Variants in XYLT1 observed in about 807,000 individuals in gnomAD.
XYLT1 encodes xylosyltransferase 1, also known as beta-D-xylosyltransferase 1.
A neutral mutation model predicts 91.3 loss-of-function variants in XYLT1; 36 were observed. The observed-to-expected ratio is 0.39, with a 90% CI of 0.30 to 0.52. XYLT1 has a LOEUF of 0.52. Ranked by LOEUF, XYLT1 falls within the 20% of genes least tolerant of loss-of-function variation. The probability of loss-of-function intolerance (pLI) is 0.68; values close to 1 mark genes in which losing one functional copy is unlikely to be tolerated. For synonymous variants in XYLT1, 588 were observed against 532.0 expected (o/e 1.11, Z -1.45); for missense variants, 1,242 against 1,284.5 (o/e 0.97, Z 0.51).
intron 2 of XYLT1, among the ~76,000 whole-genome samples, chr16:17,306,917 C>G (rs1230152584): frequency 2.0e-5 from 3 of 152,138 alleles, no homozygotes; most frequent in Non-Finnish European, 4.4e-5. Flanking sequence ...GTGACTTGCC[C>G]AAGGTCACAC....
intron 10 of XYLT1, among the ~76,000 whole-genome samples, chr16:17,127,379 A>AT (rs1464399868): frequency 6.6e-6 from 1 of 152,176 alleles, no homozygotes; most frequent in African/African-American, 2.4e-5. Context: ...TGGGACTAAT[A>AT]TTACTGACAT....
intron 3 of XYLT1, chr16:17,250,201 T>A (rs1382311312): frequency 6.6e-6 from 1 of 152,208 alleles, no homozygotes; most frequent in Non-Finnish European, 1.5e-5. Flanking sequence ...TGGCACAAGG[T>A]GTTCTCTGCT....
At chr16:17,394,308 G>A (rs2035857563) in intron 1 of XYLT1, among the ~76,000 whole-genome samples, 2 of 152,168 alleles carry the variant, frequency 1.3e-5, no homozygotes, top group South Asian at 4.1e-4. Flanking sequence ...CACCACAGCA[G>A]CGATCACCGT....
At chr16:17,170,853 C>A (rs73520929) in intron 5 of XYLT1, among the ~76,000 whole-genome samples, 1,823 of 152,300 alleles carry the variant, frequency 0.012, 36 homozygotes, top group African/African-American at 0.042. Flanking sequence ...TAATGCAGAT[C>A]TGACATCAGA....
intron 2 of XYLT1, among the ~76,000 whole-genome samples, chr16:17,336,977 G>A (rs553934498): frequency 1.4e-4 from 21 of 152,148 alleles, no homozygotes; most frequent in African/African-American, 1.7e-4. Flanking sequence ...AATATTTGGT[G>A]GACACTATCA....
At chr16:17,381,612 A>G (rs1401323644) in intron 1 of XYLT1, among the ~76,000 whole-genome samples, 2 of 152,014 alleles carry the variant, frequency 1.3e-5, no homozygotes, top group Admixed American at 6.6e-5. Flanking sequence ...TTTTTAATAG[A>G]GACGGGGTTT....
intron 1 of XYLT1, among the ~76,000 whole-genome samples, chr16:17,444,171 A>G (rs932950663): frequency 2.0e-5 from 3 of 152,212 alleles, no homozygotes; most frequent in Non-Finnish European, 4.4e-5. Flanking sequence ...CTCCTCAAGG[A>G]GGCCTTCCCT....
chr16:17,314,524 A>G (rs1181050619), intron 2 of XYLT1, among the ~76,000 whole-genome samples: 3 of 152,192 alleles, frequency 2.0e-5, no homozygotes, highest in Non-Finnish European at 4.4e-5. Context: ...GCAGCCATCC[A>G]TCCATCTGCT....
chr16:17,156,807 G>A (rs188855362), intron 6 of XYLT1, among the ~76,000 whole-genome samples: 12 of 152,316 alleles, frequency 7.9e-5, no homozygotes, highest in African/African-American at 2.6e-4. Context: ...CTTCAAGTTC[G>A]GGTGTTGCAG....
chr16:17,119,372 A>C (rs1477689595), intron 10 of XYLT1, among the ~76,000 whole-genome samples: 1 of 152,204 alleles, frequency 6.6e-6, no homozygotes, highest in Non-Finnish European at 1.5e-5. Context: ...AGGACACAGC[A>C]TGTGGGCATG....
intron 6 of XYLT1, among the ~76,000 whole-genome samples, chr16:17,149,035 T>C (rs182721618): frequency 1.3e-5 from 2 of 152,340 alleles, no homozygotes; most frequent in East Asian, 3.9e-4. Flanking sequence ...CACAGCTAAA[T>C]ATGATCCTAT....
rs12386015 is a variant in XYLT1, at chr16:17,425,634, A to G, written c.363+44800T>C. Among the ~76,000 whole-genome samples the G allele has an allele frequency of 1.5e-3, 235 of 152,308 alleles. 1 individual carries two copies. Among genetic ancestry groups the G allele is most frequent in the African/African-American group, 5.1e-3 (210 of 41,566 alleles). ...TAATTGTTCATAGGAAAGTAATCCA[A>G]TAGGGTCTCCAACTTCCTGCTGCTG... On this transcript the variant is annotated intron_variant, in intron 1 of 11. Coordinates refer to ENST00000261381, the MANE Select transcript of XYLT1 (RefSeq NM_022166.4).
At chr16:17,124,001 T>C (rs1352946671) in intron 10 of XYLT1, among the ~76,000 whole-genome samples, 1 of 152,208 alleles carries the variant, frequency 6.6e-6, no homozygotes, top group Admixed American at 6.5e-5. Flanking sequence ...TTTTTCACCT[T>C]TTTACCTTAA....
chr16:17,244,428 G>C (rs1222005011), intron 3 of XYLT1, among the ~76,000 whole-genome samples: 1 of 152,184 alleles, frequency 6.6e-6, no homozygotes, highest in Non-Finnish European at 1.5e-5. Context: ...TGGAAGATGA[G>C]GATGTTTTAG....
chr16:17,400,629 G>GAGGA (rs139881259), intron 1 of XYLT1, among the ~76,000 whole-genome samples: 16,888 of 132,418 alleles, frequency 0.13, 1,257 homozygotes, highest in East Asian at 0.2. Flanking sequence ...GGGAGGAAGG[G>GAGGA]AGGAAGGAAG....
At chr16:17,282,302 G>A (rs560316149) in intron 2 of XYLT1, among the ~76,000 whole-genome samples, 3 of 152,120 alleles carry the variant, frequency 2.0e-5, no homozygotes, top group East Asian at 1.9e-4. Context: ...AAGTAGCCAC[G>A]AACAACTGTA....
intron 1 of XYLT1, among the ~76,000 whole-genome samples, chr16:17,378,638 T>A (rs930193986): frequency 2.0e-5 from 3 of 152,228 alleles, no homozygotes; most frequent in Non-Finnish European, 4.4e-5. Context: ...AGGTGCCAGG[T>A]ACTTCACTGG....
chr16:17,417,792 C>A (rs2036198785), intron 1 of XYLT1, among the ~76,000 whole-genome samples: 1 of 152,240 alleles, frequency 6.6e-6, no homozygotes, highest in Admixed American at 6.5e-5. Flanking sequence ...TCTGGGAATT[C>A]TAAGCCTCAA....
chr16:17,134,498 G>A lies in XYLT1; in HGVS notation c.2002C>T (p.His668Tyr). ...CGGCAGCTGTTCTCCCCATCCGTGT[G>A]CAGGGACGTCTCGGCCCGTCGAAGA... ...LGLRRAETSLHTDGENSCRYY... is the reference protein window; with the variant it reads ...LGLRRAETSLYTDGENSCRYY... The change falls in exon 9 of 12, where the codon CAC becomes TAC. Residue 668 changes from histidine to tyrosine, a missense_variant. Around this residue, in one of 3 missense-constraint regions of XYLT1, gnomAD observed 511 missense variants for 497.0 expected, o/e 1.03. Transcript: ENST00000261381. 6.2e-7 allele frequency: 1 copy of A among 1,614,118 alleles called. No individual in the cohort carries two copies. The highest frequency in any genetic ancestry group is 8.5e-7 in the Non-Finnish European group (1 of 1,180,030).
Sources: allele counts gnomAD v4.1 joint callset (sites outside exome capture counted in the v4.1 genomes callset), GRCh38; gene constraint gnomAD v4.1.1; regional missense constraint gnomAD v4.1.1; transcripts MANE v1.5; gene names NCBI Gene and HGNC (gene_info 2026-07-23, HGNC 2026-07-21).